Variants in FGFR1 observed in about 807,000 individuals in gnomAD.
The protein encoded by FGFR1 is FGFR1/PLAG1 fusion.
Under a neutral mutation model 93.7 loss-of-function variants are expected in FGFR1, and 18 were observed. The ratio of observed to expected loss-of-function variants is 0.19; its 90% CI spans 0.13 to 0.28. The LOEUF (loss-of-function observed/expected upper bound fraction) is 0.28. Ranked by LOEUF, FGFR1 falls within the 10% of genes least tolerant of loss-of-function variation. The pLI, the probability that FGFR1 is intolerant of heterozygous loss-of-function variation, is 1.00. For synonymous variants in FGFR1, 448 were observed against 429.3 expected (o/e 1.04, Z -0.54); for missense variants, 731 against 1,080.4 (o/e 0.68, Z 4.53).
At chr8:38,421,123 C>T (rs1039301071) in intron 8 of FGFR1, among the ~76,000 whole-genome samples, 7 of 152,132 alleles carry the variant, frequency 4.6e-5, no homozygotes, top group South Asian at 2.1e-4. Context: ...GCCCTGGCCC[C>T]GCAGTCACCA....
rs138356456 is a variant in FGFR1, at chr8:38,463,620, A to C, written c.-89+4361T>G. 1.4e-3 allele frequency among the ~76,000 whole-genome samples: 209 copies of C among 152,282 alleles called. 1 individual carries two copies. The highest frequency in any genetic ancestry group is 4.6e-3 in the African/African-American group (193 of 41,562). ...GAATGAGTAAGTGAATGAAGGAAAA[A>C]AAAGGGCTGATGAAAAGAAACTGAC... is the stretch of plus-strand genomic sequence containing the variant. On this transcript the variant is annotated intron_variant, in intron 1 of 17. Coordinates refer to ENST00000447712, the MANE Select transcript of FGFR1 (RefSeq NM_023110.3).
At chr8:38,420,013 T>C (rs1478659575) in intron 8 of FGFR1, 2 of 460,904 alleles carry the variant, frequency 4.3e-6, no homozygotes, top group African/African-American at 3.9e-5. Flanking sequence ...TGAGCCTCCT[T>C]GCTCAGCTGG....
At chr8:38,421,030 G>A (rs1436484096) in intron 8 of FGFR1, among the ~76,000 whole-genome samples, 1 of 152,184 alleles carries the variant, frequency 6.6e-6, no homozygotes, top group Non-Finnish European at 1.5e-5. Context: ...AGGGCAGAGT[G>A]GGAAAGGAGG....
chr8:38,456,896 T>C (rs1832989166), intron 2 of FGFR1, among the ~76,000 whole-genome samples: 2 of 152,144 alleles, frequency 1.3e-5, no homozygotes, highest in Non-Finnish European at 2.9e-5. Context: ...AACAATTTTC[T>C]GGAAGTCAGA....
intron 2 of FGFR1, among the ~76,000 whole-genome samples, chr8:38,431,320 C>T (rs1349817499): frequency 6.6e-6 from 1 of 152,204 alleles, no homozygotes; most frequent in East Asian, 1.9e-4. Context: ...GTGCCCTCCC[C>T]CTCCTGGCAC....
At chr8:38,430,100 G>T in intron 2 of FGFR1, 152 bp from the exon 3 acceptor site, 1 of 751,324 alleles carries the variant, frequency 1.3e-6, no homozygotes, top group Non-Finnish European at 2.1e-6. Flanking sequence ...AGCCAGGGCA[G>T]TGGGAATTGG....
At chr8:38,467,124 AT>A (rs1298395258) in intron 1 of FGFR1, among the ~76,000 whole-genome samples, 2 of 151,834 alleles carry the variant, frequency 1.3e-5, no homozygotes, top group African/African-American at 2.4e-5. Context: ...AAAAACCCTC[AT>A]CCCTTCCCCC....
At chr8:38,414,435 A>G in intron 15 of FGFR1, 124 bp downstream of exon 15, 5 of 1,535,864 alleles carry the variant, frequency 3.3e-6, no homozygotes, top group Non-Finnish European at 4.5e-6. Context: ...ATGGCCACAG[A>G]CAATGTTTTG....
intron 6 of FGFR1, among the ~76,000 whole-genome samples, chr8:38,425,768 T>C (rs1288957250): frequency 6.6e-6 from 1 of 152,184 alleles, no homozygotes; most frequent in Non-Finnish European, 1.5e-5. Flanking sequence ...CCATGAGCAT[T>C]ACAGGGCAGG....
chr8:38,414,703 G>C (rs1815717274), intron 14 of FGFR1, 74 bp from the exon 15 acceptor site: 5 of 1,613,388 alleles, frequency 3.1e-6, no homozygotes, highest in Non-Finnish European at 4.2e-6. Context: ...GGGACTGGGG[G>C]GTGGGTTCTC....
intron 2 of FGFR1, among the ~76,000 whole-genome samples, chr8:38,445,234 C>T (rs140915500): frequency 1.3e-5 from 2 of 152,122 alleles, no homozygotes; most frequent in Non-Finnish European, 2.9e-5. Flanking sequence ...TCAGAAAAAA[C>T]GATTCTGTGT....
At chr8:38,422,005 G>A (rs2150762814) in intron 7 of FGFR1, 64 bp from the exon 8 acceptor site, 1 of 1,575,848 alleles carries the variant, frequency 6.3e-7, no homozygotes, top group Non-Finnish European at 8.7e-7. Context: ...GAGACGCAGA[G>A]CAAGGGAAGG....
intron 2 of FGFR1, among the ~76,000 whole-genome samples, chr8:38,454,868 C>A (rs1363566264): frequency 6.6e-6 from 1 of 152,104 alleles, no homozygotes; most frequent in East Asian, 1.9e-4. Flanking sequence ...GCCATCCACA[C>A]TGAGCTGCCA....
chr8:38,431,325 T>A (rs988401604), intron 2 of FGFR1, among the ~76,000 whole-genome samples: 1 of 152,174 alleles, frequency 6.6e-6, no homozygotes, highest in Non-Finnish European at 1.5e-5. Flanking sequence ...CTCCCCCTCC[T>A]GGCACCTGTC....
intron 3 of FGFR1, 148 bp from the exon 4 acceptor site, chr8:38,428,583 A>G (rs1175939581): frequency 5.8e-6 from 4 of 693,198 alleles, no homozygotes; most frequent in Non-Finnish European, 1.0e-5. Flanking sequence ...GGTGGGATGG[A>G]AACTGTTTAA....
chr8:38,417,970 C>A lies in FGFR1; in HGVS notation c.1452G>T (p.Leu484=), dbSNP rs1817301493. ...CCACCTGCCCAAAGCAGCCCTCTCC[C>A]AGGGGTTTGCCTAAGACCAGTCTTT... is the stretch of plus-strand genomic sequence containing the variant. ...PRDRLVLGKP[L]GEGCFGQVVL... Residue 484 remains leucine, a synonymous_variant, in exon 11 of 18, where the codon CTG becomes CTT. Coordinates refer to ENST00000447712, the MANE Select transcript of FGFR1 (RefSeq NM_023110.3). 6.2e-7 allele frequency: 1 copy of A among 1,614,208 alleles called. No individual in the cohort carries two copies. The highest frequency in any genetic ancestry group is 1.3e-5 in the African/African-American group (1 of 75,044).
chr8:38,467,617 A>T, intron 1 of FGFR1: 1 of 235,036 alleles, frequency 4.3e-6, no homozygotes, highest in East Asian at 6.0e-5. Context: ...TCCCCAGTCC[A>T]GGAAACCGCG....
intron 14 of FGFR1, 40 bp from the exon 15 acceptor site, chr8:38,414,669 G>A (rs2150554799): frequency 6.2e-7 from 1 of 1,613,506 alleles, no homozygotes. Context: ...GCCCCAGGCA[G>A]GGCCATGAGG....
At chr8:38,444,719 G>A (rs1828762221) in intron 2 of FGFR1, among the ~76,000 whole-genome samples, 1 of 152,098 alleles carries the variant, frequency 6.6e-6, no homozygotes, top group African/African-American at 2.4e-5. Context: ...ACCTGAGAGT[G>A]TGTGGCTCTG....
Sources: allele counts gnomAD v4.1 joint callset (sites outside exome capture counted in the v4.1 genomes callset), GRCh38; gene constraint gnomAD v4.1.1; transcripts MANE v1.5; gene names NCBI Gene and HGNC (gene_info 2026-07-23, HGNC 2026-07-21).